SUPT3H: variants seen among roughly 807,000 people sequenced by gnomAD.
The protein encoded by SUPT3H is transcription initiation protein SPT3 homolog.
A neutral mutation model predicts 44.3 loss-of-function variants in SUPT3H; 44 were observed. The observed-to-expected ratio is 0.99, with a 90% CI of 0.78 to 1.28. SUPT3H has a LOEUF of 1.28. Among genes scored for constraint, SUPT3H ranks in the 50% most tolerant of loss-of-function variants. The pLI is 0.00. For missense variants in SUPT3H, 380 were observed against 387.1 expected (o/e 0.98, Z 0.15); for synonymous variants, 124 against 125.6 (o/e 0.99, Z 0.09).
chr6:45,178,749 G>A (rs9395074), intron 2 of SUPT3H, among the ~76,000 whole-genome samples: 1 of 151,882 alleles, frequency 6.6e-6, no homozygotes, highest in African/African-American at 2.4e-5. Flanking sequence ...CTAGAACTCA[G>A]GATTAAGAAT....
rs183511714 is a variant in SUPT3H at position 44,905,364 on chromosome 6, C to T, written c.912+27289G>A. Among the ~76,000 whole-genome samples the T allele has an allele frequency of 6.6e-3, 1,003 of 152,004 alleles. 12 individuals are homozygous for T. The highest frequency in any genetic ancestry group is 0.023 in the African/African-American group (943 of 41,434). ...CCCATCAAAAAGTGGGCAAAGGATA[C>T]GAACAGACACTTCTCAAAAGAAGAC... is the stretch of plus-strand genomic sequence containing the variant. On this transcript the variant is annotated intron_variant, in intron 10 of 10. Transcript: ENST00000371459.
At chr6:45,130,213 AG>A (rs1448979548) in intron 2 of SUPT3H, among the ~76,000 whole-genome samples, 5 of 152,184 alleles carry the variant, frequency 3.3e-5, no homozygotes, top group Non-Finnish European at 5.9e-5. Flanking sequence ...TCCCTGCCTC[AG>A]GCAACTTTCT....
chr6:45,052,503 T>C (rs1005063968), intron 3 of SUPT3H, among the ~76,000 whole-genome samples: 2 of 152,208 alleles, frequency 1.3e-5, no homozygotes, highest in Admixed American at 1.3e-4. Context: ...AATCCAGTCA[T>C]ACAAACAGTA....
chr6:45,140,963 T>G (rs557391681), intron 2 of SUPT3H, among the ~76,000 whole-genome samples: 15 of 152,160 alleles, frequency 9.9e-5, no homozygotes, highest in Non-Finnish European at 1.3e-4. Flanking sequence ...TCTGGTAATA[T>G]GACAAAACAG....
chr6:45,129,524 G>C (rs1803078945), intron 2 of SUPT3H, among the ~76,000 whole-genome samples: 1 of 152,092 alleles, frequency 6.6e-6, no homozygotes, highest in Non-Finnish European at 1.5e-5. Flanking sequence ...GACTGCTAAA[G>C]ATCATTTATT....
At chr6:44,938,435 G>A (rs1340146070) in intron 9 of SUPT3H, among the ~76,000 whole-genome samples, 2 of 152,046 alleles carry the variant, frequency 1.3e-5, no homozygotes, top group African/African-American at 2.4e-5. Context: ...TGACCTATGT[G>A]TCTATTTTTA....
At chr6:45,082,024 C>G (rs1795880060) in intron 3 of SUPT3H, among the ~76,000 whole-genome samples, 1 of 152,022 alleles carries the variant, frequency 6.6e-6, no homozygotes, top group Admixed American at 6.5e-5. Context: ...TGGCATTTTA[C>G]ACAAACTAGA....
chr6:45,270,919 T>C (rs1327334620), intron 2 of SUPT3H, among the ~76,000 whole-genome samples: 1 of 152,194 alleles, frequency 6.6e-6, no homozygotes, highest in African/African-American at 2.4e-5. Flanking sequence ...GGGAACTTTA[T>C]GGGAACTGAA....
Position 44,921,559 on chromosome 6 carries a change from C to A in SUPT3H, c.912+11094G>T, listed in dbSNP as rs114607942. Among the ~76,000 whole-genome samples the A allele has an allele frequency of 6.5e-3, 990 of 152,272 alleles. 13 individuals are homozygous for A. Among genetic ancestry groups the A allele is most frequent in the African/African-American group, 0.023 (935 of 41,544 alleles). On this transcript the variant is annotated intron_variant, in intron 10 of 10. Transcript: ENST00000371459. ...TTCAGAGAAAAGCACAGTGTAGAAA[C>A]CAAGCTAGCTCTCTTTTCTTTTTTC...
chr6:45,265,464 T>C (rs1379440770), intron 2 of SUPT3H, among the ~76,000 whole-genome samples: 2 of 152,132 alleles, frequency 1.3e-5, no homozygotes, highest in Non-Finnish European at 2.9e-5. Flanking sequence ...AGGTCTTAAA[T>C]AACTTTCAAA....
In SUPT3H at chr6:44,919,462, A is replaced by ATT. The variant is rs11412317; in HGVS notation, c.912+13189_912+13190dup. The stretch of plus-strand genomic sequence containing the variant: ...AAGTTCAAACAGAAAGCTATAGTGT[A>ATT]TTTTTTTTTTTTTAAAGTTTAGATG... On this transcript the variant is annotated intron_variant, in intron 10 of 10. Transcript: ENST00000371459. 7.4e-3 allele frequency among the ~76,000 whole-genome samples: 1,088 copies of ATT among 147,280 alleles called. 5 individuals carry two copies. The highest frequency in any genetic ancestry group is 0.028 in the Middle Eastern group (8 of 290).
At chr6:45,186,531 G>T (rs1814242571) in intron 2 of SUPT3H, among the ~76,000 whole-genome samples, 1 of 152,148 alleles carries the variant, frequency 6.6e-6, no homozygotes, top group Non-Finnish European at 1.5e-5. Flanking sequence ...TGTTAGAGTG[G>T]AGATGACAGA....
At chr6:45,304,115 G>A (rs961512912) in intron 2 of SUPT3H, among the ~76,000 whole-genome samples, 1 of 152,178 alleles carries the variant, frequency 6.6e-6, no homozygotes, top group African/African-American at 2.4e-5. Flanking sequence ...ATCAGGATCA[G>A]TAAGAGTTAG....
At chr6:45,010,034 A>G (rs1783254324) in intron 5 of SUPT3H, among the ~76,000 whole-genome samples, 1 of 152,112 alleles carries the variant, frequency 6.6e-6, no homozygotes, top group Non-Finnish European at 1.5e-5. Flanking sequence ...TGTAATTTTC[A>G]GTACATAAAT....
At chr6:45,185,789 C>T (rs1814105655) in intron 2 of SUPT3H, among the ~76,000 whole-genome samples, 1 of 152,202 alleles carries the variant, frequency 6.6e-6, no homozygotes, top group African/African-American at 2.4e-5. Context: ...GGAGACTTGT[C>T]TCTATATATT....
rs768476513 is a variant in SUPT3H at position 44,961,810 on chromosome 6, G to A, written c.523C>T (p.Arg175Ter). The stretch of plus-strand genomic sequence containing the variant: ...GCATATTGAGCTGAATCCATAATTC[G>A]AGTTTGTCTTTCTGCTCTCTAAAAG... ...ERMERAERQTRIMDSAQYAEF... is the reference protein window; with the variant it reads ...ERMERAERQT The change falls in exon 7 of 11, where the codon CGA becomes TGA. Residue 175 changes from arginine (R) to a stop codon, truncating the protein, a stop_gained. Coordinates refer to ENST00000371459, the MANE Select transcript of SUPT3H (RefSeq NM_003599.4). LOFTEE classifies it high-confidence loss of function. 8 of 1,606,726 alleles carry A rather than the reference G, an allele frequency of 5.0e-6. No homozygotes were observed. Among genetic ancestry groups the A allele is most frequent in the Non-Finnish European group, 5.9e-6 (7 of 1,177,566 alleles).
intron 9 of SUPT3H, among the ~76,000 whole-genome samples, chr6:44,945,965 C>T (rs1773277205): frequency 1.3e-5 from 2 of 152,142 alleles, no homozygotes; most frequent in South Asian, 4.1e-4. Context: ...ACTCTCTTGT[C>T]AGGGGCTCAT....
At chr6:45,268,077 G>A (rs1775540878) in intron 2 of SUPT3H, among the ~76,000 whole-genome samples, 1 of 152,078 alleles carries the variant, frequency 6.6e-6, no homozygotes, top group Non-Finnish European at 1.5e-5. Context: ...TAGAATGAAA[G>A]GCCTTGATAT....
chr6:45,071,958 C>G (rs113441141), intron 3 of SUPT3H, among the ~76,000 whole-genome samples: 86 of 152,312 alleles, frequency 5.6e-4, no homozygotes, highest in Middle Eastern at 3.4e-3. Context: ...AATAATCTCT[C>G]TACAGTGCCC....
Sources: gnomAD v4.1 joint callset for allele counts (sites outside exome capture counted in the v4.1 genomes callset) on GRCh38, gnomAD v4.1.1 for gene constraint, MANE v1.5 for transcripts, NCBI Gene and HGNC (gene_info 2026-07-23, HGNC 2026-07-21) for gene names.